PCDH7: variants seen among roughly 807,000 people sequenced by gnomAD.
The protein encoded by PCDH7 is protocadherin 7.
Under a neutral mutation model 58.9 loss-of-function variants are expected in PCDH7, and 17 were observed. The ratio of observed to expected loss-of-function variants is 0.29; its 90% CI spans 0.20 to 0.43. The LOEUF (loss-of-function observed/expected upper bound fraction) is 0.43, where lower values mean the gene tolerates loss of function less well. Ranked by LOEUF, PCDH7 falls within the 20% of genes least tolerant of loss-of-function variation. PCDH7 has a pLI of 1.00. For synonymous variants in PCDH7, 664 were observed against 616.4 expected (o/e 1.08, Z -1.14); for missense variants, 1,274 against 1,441.0 (o/e 0.88, Z 1.88).
chr4:30,891,399 G>A (rs1738585150), intron 1 of PCDH7, among the ~76,000 whole-genome samples: 1 of 152,040 alleles, frequency 6.6e-6, no homozygotes, highest in Non-Finnish European at 1.5e-5. Context: ...TATACATTAT[G>A]TAGAAATATT....
chr4:31,117,534 G>A (rs1578843218), intron 3 of PCDH7, among the ~76,000 whole-genome samples: 1 of 151,942 alleles, frequency 6.6e-6, no homozygotes, highest in East Asian at 1.9e-4. Flanking sequence ...ATTACAAAAT[G>A]TGCCAAGCAG....
rs556045789 is a variant in PCDH7, at chr4:31,060,869, T to C, written c.*8-81604T>C. ...GTCAGTTTTTCAACATTCTCTGTAG[T>C]GAGCACATAACATGCATCTATTTTT... On this transcript the variant is annotated intron_variant, in intron 3 of 3. Transcript: ENST00000509759. Among the ~76,000 whole-genome samples, 4 of 151,882 alleles carry C rather than the reference T, an allele frequency of 2.6e-5. No homozygotes were observed. The South Asian group carries it at 8.3e-4, about 31-fold the overall frequency.
intron 1 of PCDH7, among the ~76,000 whole-genome samples, chr4:30,910,767 A>G (rs1741628792): frequency 6.6e-6 from 1 of 152,200 alleles, no homozygotes. Context: ...TCAAGGATCT[A>G]GAACTAGAAA....
chr4:30,866,600 T>C (rs992688280), intron 1 of PCDH7, among the ~76,000 whole-genome samples: 1 of 152,034 alleles, frequency 6.6e-6, no homozygotes, highest in Admixed American at 6.6e-5. Context: ...TGAAATGAAG[T>C]GACTGGATAT....
intron 1 of PCDH7, among the ~76,000 whole-genome samples, chr4:30,861,434 G>A (rs890644555): frequency 3.9e-5 from 6 of 152,128 alleles, no homozygotes; most frequent in Non-Finnish European, 5.9e-5. Context: ...ATAGTTATAT[G>A]CACAATGTAG....
At chr4:30,823,698 G>A (rs886976407) in intron 1 of PCDH7, among the ~76,000 whole-genome samples, 1 of 152,040 alleles carries the variant, frequency 6.6e-6, no homozygotes, top group Non-Finnish European at 1.5e-5. Flanking sequence ...CTATTAGATT[G>A]ATAATATCAA....
intron 3 of PCDH7, among the ~76,000 whole-genome samples, chr4:31,036,787 C>T (rs1755448603): frequency 6.6e-6 from 1 of 152,114 alleles, no homozygotes; most frequent in South Asian, 2.1e-4. Context: ...ATACTGGAGA[C>T]TGGGCAATTT....
rs186030749 is a variant in PCDH7, at chr4:31,009,873, A to T, written c.*7+59658A>T. Among the ~76,000 whole-genome samples, 5 of 151,916 alleles carry T rather than the reference A, an allele frequency of 3.3e-5. No homozygotes were observed. The East Asian group carries it at 5.8e-4, about 18-fold the overall frequency. The stretch of plus-strand genomic sequence containing the variant: ...AGGTAAAGATGAATTTTCTAGTAAA[A>T]CTCCAGAAAGCAATTCTTAGGAGGT... On this transcript the variant is annotated intron_variant, in intron 3 of 3. Transcript: ENST00000509759.
At chr4:31,079,326 A>C (rs1232939648) in intron 3 of PCDH7, among the ~76,000 whole-genome samples, 1 of 43,534 alleles carries the variant, frequency 2.3e-5, no homozygotes. Flanking sequence ...ATATATATAT[A>C]TATATATATA....
intron 1 of PCDH7, among the ~76,000 whole-genome samples, chr4:30,809,048 T>C (rs1222696593): frequency 2.6e-5 from 4 of 152,312 alleles, no homozygotes; most frequent in African/African-American, 7.2e-5. Context: ...TTTGTGTCAC[T>C]CTTGAAAAGA....
At chr4:31,117,305 C>T (rs1187829303) in intron 3 of PCDH7, among the ~76,000 whole-genome samples, 1 of 152,192 alleles carries the variant, frequency 6.6e-6, no homozygotes, top group Non-Finnish European at 1.5e-5. Flanking sequence ...GCTAAACTCT[C>T]ACATGATTCC....
chr4:30,839,278 T>A (rs1279535943), intron 1 of PCDH7, among the ~76,000 whole-genome samples: 1 of 152,046 alleles, frequency 6.6e-6, no homozygotes, highest in African/African-American at 2.4e-5. Context: ...CCAAAAGGAA[T>A]GAGAAGGGGA....
rs186894902 is a variant in PCDH7, at chr4:31,053,397, A to T, written c.*8-89076A>T. 3.4e-4 allele frequency among the ~76,000 whole-genome samples: 51 copies of T among 152,096 alleles called. No individual in the cohort carries two copies. The East Asian group carries it at 6.8e-3, about 20-fold the overall frequency. ...CTGTTTCTTCAACTTATGATACATC[A>T]TCCTTCCATCGAGGCCACTAACTTT... is the stretch of plus-strand genomic sequence containing the variant. On this transcript the variant is annotated intron_variant, in intron 3 of 3. Coordinates refer to the PCDH7 transcript ENST00000509759.
intron 3 of PCDH7, among the ~76,000 whole-genome samples, chr4:31,105,879 C>T (rs901093828): frequency 2.6e-5 from 4 of 151,640 alleles, no homozygotes; most frequent in South Asian, 2.1e-4. Flanking sequence ...TGGTGGCGGG[C>T]GCCTGTAGTC....
chr4:30,802,685 G>A (rs74438383), intron 1 of PCDH7, among the ~76,000 whole-genome samples: 2,112 of 152,174 alleles, frequency 0.014, 26 homozygotes, highest in South Asian at 0.021. Flanking sequence ...CAGTAAGAGG[G>A]GAAATCATGT....
At chr4:31,136,428 G>T (rs1388669195) in intron 3 of PCDH7, among the ~76,000 whole-genome samples, 1 of 152,142 alleles carries the variant, frequency 6.6e-6, no homozygotes, top group African/African-American at 2.4e-5. Flanking sequence ...TAAATCTCCT[G>T]CTCTTTTTAA....
chr4:30,945,397 T>G (rs1210946371), intron 2 of PCDH7, among the ~76,000 whole-genome samples: 1 of 152,122 alleles, frequency 6.6e-6, no homozygotes, highest in African/African-American at 2.4e-5. Context: ...CTTTTAAAAT[T>G]TAAAATTTTA....
At chr4:30,756,880 A>G (rs1425040637) in intron 1 of PCDH7, among the ~76,000 whole-genome samples, 1 of 152,012 alleles carries the variant, frequency 6.6e-6, no homozygotes, top group Non-Finnish European at 1.5e-5. Flanking sequence ...CCTACGCCTT[A>G]ATCTCCTTTT....
chr4:30,970,509 G>T (rs1297851620), intron 3 of PCDH7, among the ~76,000 whole-genome samples: 1 of 152,012 alleles, frequency 6.6e-6, no homozygotes, highest in Non-Finnish European at 1.5e-5. Flanking sequence ...TAAACAGGGT[G>T]GTCTCGATCT....
Sources: allele counts gnomAD v4.1 joint callset (sites outside exome capture counted in the v4.1 genomes callset), GRCh38; gene constraint gnomAD v4.1.1; transcripts MANE v1.5; gene names NCBI Gene and HGNC (gene_info 2026-07-23, HGNC 2026-07-21).